Variants in BCAS3 observed in about 807,000 individuals in gnomAD.
BCAS3 encodes BCAS3 microtubule associated cell migration factor.
BCAS3 carries 53 observed loss-of-function variants against 116.1 expected under a neutral mutation model. That is an observed-to-expected ratio of 0.46 (90% confidence interval 0.37 to 0.57). The LOEUF is 0.57. Ranked by LOEUF, BCAS3 falls within the 20% of genes least tolerant of loss-of-function variation. BCAS3 has a pLI of 0.00. For missense variants in BCAS3, 917 were observed against 1,165.4 expected (o/e 0.79, Z 3.10); for synonymous variants, 391 against 408.2 (o/e 0.96, Z 0.51).
At chr17:60,819,900 C>G (rs1366379296) in intron 7 of BCAS3, among the ~76,000 whole-genome samples, 1 of 152,066 alleles carries the variant, frequency 6.6e-6, no homozygotes, top group Non-Finnish European at 1.5e-5. Context: ...ATAGCTAGGA[C>G]TACAGGCGTG....
At chr17:61,271,748 C>T (rs1159147322) in intron 22 of BCAS3, among the ~76,000 whole-genome samples, 1 of 151,992 alleles carries the variant, frequency 6.6e-6, no homozygotes, top group Non-Finnish European at 1.5e-5. Flanking sequence ...TGAGCCATCA[C>T]ACTCGGCCCC....
chr17:60,680,484 T>A (rs2032889168), intron 2 of BCAS3, among the ~76,000 whole-genome samples: 1 of 152,164 alleles, frequency 6.6e-6, no homozygotes, highest in African/African-American at 2.4e-5. Flanking sequence ...TATCCATGTG[T>A]TATCTATAAA....
chr17:60,970,428 A>G (rs770528970), intron 14 of BCAS3, among the ~76,000 whole-genome samples: 97 of 152,352 alleles, frequency 6.4e-4, no homozygotes, highest in Middle Eastern at 3.4e-3. Flanking sequence ...TCCAATATAA[A>G]GGAAGAAATT....
rs760436839 is a variant in BCAS3, at chr17:61,217,697, C to T, written c.2425+133133C>T. On this transcript the variant is annotated intron_variant, in intron 22 of 23. Transcript: ENST00000407086. The surrounding 1 kb of genome is among the most constrained non-coding windows in gnomAD (Gnocchi z 5.2). ...CAGACCTGATATCATTAGGCAGCTT[C>T]CTCTGACTAGTTGATTTTCTTGAGA... 7.9e-5 allele frequency among the ~76,000 whole-genome samples: 12 copies of T among 152,178 alleles called. No homozygotes were observed. Among genetic ancestry groups the T allele is most frequent in the Non-Finnish European group, 1.5e-4 (10 of 68,036 alleles).
chr17:61,262,507 A>C (rs1031066883), intron 22 of BCAS3, among the ~76,000 whole-genome samples: 1 of 151,888 alleles, frequency 6.6e-6, no homozygotes, highest in Non-Finnish European at 1.5e-5. Flanking sequence ...CAGCCTCCCA[A>C]GTAGCTGGGA....
At position 60,965,674 on chromosome 17, in the gene BCAS3, G is replaced by A. The variant is rs148989130; in HGVS notation, c.1221+18322G>A. ...TATTTTCCCCAGTTCTTCTTATTAA[G>A]TTCTAGTTTTAGTCCATTGTGGCCA... On this transcript the variant is annotated intron_variant, in intron 14 of 23. Coordinates refer to ENST00000407086, the MANE Select transcript of BCAS3 (RefSeq NM_017679.5). Among the ~76,000 whole-genome samples, 457 of 152,130 alleles carry A rather than the reference G, an allele frequency of 3.0e-3. 5 individuals carry two copies. The highest frequency in any genetic ancestry group is 0.01 in the African/African-American group (435 of 41,488).
chr17:61,111,456 C>T (rs1472845264), intron 22 of BCAS3, among the ~76,000 whole-genome samples: 9 of 151,454 alleles, frequency 5.9e-5, no homozygotes, highest in Admixed American at 1.3e-4. Context: ...CCTCAGGAGC[C>T]AATGCGATCA....
intron 22 of BCAS3, among the ~76,000 whole-genome samples, chr17:61,109,504 G>T (rs2074916909): frequency 6.6e-6 from 1 of 152,128 alleles, no homozygotes; most frequent in African/African-American, 2.4e-5. Context: ...TGTACTTTTA[G>T]TTCTTTAAGG....
intron 23 of BCAS3, among the ~76,000 whole-genome samples, chr17:61,372,927 C>T (rs1045219954): frequency 2.6e-5 from 4 of 152,092 alleles, no homozygotes; most frequent in African/African-American, 9.7e-5. Context: ...AGTAAAAAAG[C>T]TTTTTAAATA....
chr17:61,173,874 C>T lies in BCAS3; in HGVS notation c.2425+89310C>T, dbSNP rs183301750. On this transcript the variant is annotated intron_variant, in intron 22 of 23. Transcript: ENST00000407086. ...CCAGCCTAGGTGACAGAGTGAGACC[C>T]TGTCTCAAACAAACAAACCCAAAAA... 4.1e-3 allele frequency among the ~76,000 whole-genome samples: 631 copies of T among 152,252 alleles called. 6 individuals are homozygous for T. The highest frequency in any genetic ancestry group is 0.014 in the African/African-American group (601 of 41,548).
chr17:61,359,103 A>C (rs1468648131), intron 22 of BCAS3, among the ~76,000 whole-genome samples: 1 of 152,092 alleles, frequency 6.6e-6, no homozygotes, highest in African/African-American at 2.4e-5. Flanking sequence ...ACGCATAACC[A>C]GTCAGCCTTA....
intron 22 of BCAS3, among the ~76,000 whole-genome samples, chr17:61,206,668 G>A (rs762916516): frequency 2.0e-5 from 3 of 151,874 alleles, no homozygotes; most frequent in Non-Finnish European, 4.4e-5. Context: ...GGGCATGGTT[G>A]TGCACACCTG....
At chr17:60,765,021 T>C (rs1375404465) in intron 6 of BCAS3, among the ~76,000 whole-genome samples, 1 of 152,196 alleles carries the variant, frequency 6.6e-6, no homozygotes, top group East Asian at 1.9e-4. Context: ...ACCCCTGCTT[T>C]TTTTTGCTTT....
At chr17:60,788,190 A>C (rs997778446) in intron 6 of BCAS3, among the ~76,000 whole-genome samples, 1 of 152,180 alleles carries the variant, frequency 6.6e-6, no homozygotes, top group Non-Finnish European at 1.5e-5. Context: ...AGATGAGTTG[A>C]TCATTAATTT....
Position 60,869,578 on chromosome 17 carries a change from A to G in BCAS3, c.584+895A>G, listed in dbSNP as rs555967285. On this transcript the variant is annotated intron_variant, in intron 8 of 23. Coordinates refer to ENST00000407086, the MANE Select transcript of BCAS3 (RefSeq NM_017679.5). The stretch of plus-strand genomic sequence containing the variant: ...GCAAAGACATACTTAAAAAATACAA[A>G]TAAAAGGAAGGTGGGTTTTGATACT... Among the ~76,000 whole-genome samples the G allele has an allele frequency of 2.2e-3, 336 of 152,306 alleles. 1 individual carries two copies. The highest frequency in any genetic ancestry group is 7.4e-3 in the African/African-American group (307 of 41,578).
At position 61,220,041 on chromosome 17, in the gene BCAS3, A is replaced by T. The variant is rs1391779092; in HGVS notation, c.2425+135477A>T. Among the ~76,000 whole-genome samples the T allele has an allele frequency of 6.6e-6, 1 of 152,152 alleles. No homozygotes were observed. Among genetic ancestry groups the T allele is most frequent in the Non-Finnish European group, 1.5e-5 (1 of 68,032 alleles). On this transcript the variant is annotated intron_variant, in intron 22 of 23. Transcript: ENST00000407086. The surrounding 1 kb of genome is among the most constrained non-coding windows in gnomAD (Gnocchi z 4.5). ...CCGGGCGCGGTGGCTCACGCCTGTA[A>T]TCCCAGCACTTTGGGAGGTTGAGGT... is the stretch of plus-strand genomic sequence containing the variant.
chr17:61,115,922 T>C (rs978803382), intron 22 of BCAS3, among the ~76,000 whole-genome samples: 10 of 151,726 alleles, frequency 6.6e-5, no homozygotes, highest in African/African-American at 2.4e-4. Context: ...TAACAAATGA[T>C]GAGTTCATGT....
chr17:60,896,545 T>C (rs1170129484), intron 10 of BCAS3, among the ~76,000 whole-genome samples: 1 of 152,190 alleles, frequency 6.6e-6, no homozygotes, highest in Non-Finnish European at 1.5e-5. Context: ...TCTTGCTGAA[T>C]TGATCCCTTT....
In BCAS3 at chr17:61,196,750, G is replaced by A. The variant is rs936009397; in HGVS notation, c.2425+112186G>A. On this transcript the variant is annotated intron_variant, in intron 22 of 23. Transcript: ENST00000407086. The surrounding 1 kb of genome is among the most constrained non-coding windows in gnomAD (Gnocchi z 4.7). ...CTGAGACGGAAGGCTTGCATTTATCGGCATTCATGCTCCGTTTTTTCTGTT... is the reference window on the plus strand; with the variant it reads ...CTGAGACGGAAGGCTTGCATTTATCAGCATTCATGCTCCGTTTTTTCTGTT... Among the ~76,000 whole-genome samples, 12 of 152,184 alleles carry A rather than the reference G, an allele frequency of 7.9e-5. No homozygotes were observed. Among genetic ancestry groups the A allele is most frequent in the Admixed American group, 6.5e-4 (10 of 15,274 alleles).
Sources: gnomAD v4.1 joint callset for allele counts (sites outside exome capture counted in the v4.1 genomes callset) on GRCh38, gnomAD v4.1.1 for gene constraint, Gnocchi (gnomAD v3.1) non-coding constraint, MANE v1.5 for transcripts, NCBI Gene and HGNC (gene_info 2026-07-23, HGNC 2026-07-21) for gene names.